The following ZNF710 variants were observed in gnomAD, a reference collection of about 807,000 sequenced individuals.
The protein encoded by ZNF710 is zinc finger protein 710.
Under a neutral mutation model 50.6 loss-of-function variants are expected in ZNF710, and 13 were observed. The observed-to-expected ratio is 0.26, with a 90% CI of 0.17 to 0.41. ZNF710 has a LOEUF of 0.41. Among genes scored for constraint, ZNF710 ranks in the 10% least tolerant of loss-of-function variants. The pLI, the probability that ZNF710 is intolerant of heterozygous loss-of-function variation, is 1.00. For missense variants in ZNF710, 721 were observed against 936.6 expected (o/e 0.77, Z 3.01); for synonymous variants, 383 against 397.0 (o/e 0.96, Z 0.42).
At chr15:90,005,374 G>A (rs1466052946) in intron 1 of ZNF710, among the ~76,000 whole-genome samples, 1 of 152,214 alleles carries the variant, frequency 6.6e-6, no homozygotes, top group Non-Finnish European at 1.5e-5. Context: ...AGGCAGGAGG[G>A]GGCTGGGAAG....
rs10685083 is a variant in ZNF710, at chr15:90,030,329, C to CAAAAAAA, written c.-29+28733_-29+28739dup. Among the ~76,000 whole-genome samples, 78 of 50,456 alleles carry CAAAAAAA rather than the reference C, an allele frequency of 1.5e-3. 3 individuals are homozygous for CAAAAAAA. The highest frequency in any genetic ancestry group is 1.8e-3 in the Admixed American group (6 of 3,426). 33.1% of individuals were successfully genotyped at this position (50,456 alleles called of 152,430 possible). A position where few individuals can be genotyped will look rare whatever the true frequency, so the allele number is the denominator to read the frequency against. ...GGGCAACAAGAGCAAAACTCCATCT[C>CAAAAAAA]AAAAAAAAAAAAAAAAAAAAAAAAG... On this transcript the variant is annotated intron_variant, in intron 1 of 4. Coordinates refer to ENST00000268154, the MANE Select transcript of ZNF710 (RefSeq NM_198526.4).
intron 1 of ZNF710, among the ~76,000 whole-genome samples, chr15:90,043,042 T>C (rs1899347912): frequency 1.3e-5 from 2 of 152,204 alleles, no homozygotes; most frequent in African/African-American, 4.8e-5. Context: ...GGCGGCGGGC[T>C]TCTTTGGAGC....
At chr15:90,004,548 A>G (rs1567216813) in intron 1 of ZNF710, among the ~76,000 whole-genome samples, 2 of 152,196 alleles carry the variant, frequency 1.3e-5, no homozygotes, top group Non-Finnish European at 2.9e-5. Flanking sequence ...CCTGCTGTTA[A>G]TGGTGCTTGC....
Position 90,059,078 on chromosome 15 carries a change from G to A in ZNF710, c.-28-8032G>A, listed in dbSNP as rs543577996. Among the ~76,000 whole-genome samples the A allele has an allele frequency of 1.6e-4, 24 of 152,322 alleles. No individual in the cohort carries two copies. In the East Asian group the frequency reaches 1.7e-3, roughly 11 times the overall value. On this transcript the variant is annotated intron_variant, in intron 1 of 4. Coordinates refer to ENST00000268154, the MANE Select transcript of ZNF710 (RefSeq NM_198526.4). The surrounding 1 kb of genome is among the most constrained non-coding windows in gnomAD (Gnocchi z 4.1). ...CAAGATGACGCATATGATTTACCAC[G>A]ACAGTGATGGTCTCAGGCTGAGAGA...
At chr15:90,074,453 A>G in intron 4 of ZNF710, 163 bp downstream of exon 4, 2 of 1,534,528 alleles carry the variant, frequency 1.3e-6, no homozygotes, top group African/African-American at 1.4e-5. Flanking sequence ...CATGATGACA[A>G]TAACGATGGG....
intron 1 of ZNF710, among the ~76,000 whole-genome samples, chr15:90,027,609 T>C (rs1283346314): frequency 6.6e-6 from 1 of 152,064 alleles, no homozygotes; most frequent in Non-Finnish European, 1.5e-5. Flanking sequence ...ACTAGCACTT[T>C]GGGAGGCCAA....
At position 90,044,497 on chromosome 15, in the gene ZNF710, TA is replaced by T. The variant is rs142966977; in HGVS notation, c.-28-22611del. Among the ~76,000 whole-genome samples the T allele has an allele frequency of 3.0e-4, 46 of 152,262 alleles. No individual in the cohort carries two copies. The East Asian group carries it at 7.5e-3, about 25-fold the overall frequency. On this transcript the variant is annotated intron_variant, in intron 1 of 4. Coordinates refer to ENST00000268154, the MANE Select transcript of ZNF710 (RefSeq NM_198526.4). ...GCTGAGCTGGATAACCCTCACCAAA[TA>T]AGGGGCCCGCCACCTTGGGTTTGGC...
At chr15:90,072,680 G>A (rs556463673) in intron 2 of ZNF710, among the ~76,000 whole-genome samples, 3 of 152,148 alleles carry the variant, frequency 2.0e-5, no homozygotes, top group Non-Finnish European at 2.9e-5. Flanking sequence ...GACCCCTGCC[G>A]CCTAGTGTGG....
At chr15:90,065,528 G>A (rs1193067693) in intron 1 of ZNF710, among the ~76,000 whole-genome samples, 2 of 152,210 alleles carry the variant, frequency 1.3e-5, no homozygotes, top group Non-Finnish European at 1.5e-5. Flanking sequence ...GGAGCAGGTG[G>A]ACCTCGAGCC....
chr15:90,000,873 G>C (rs1897992860), upstream of ZNF710, among the ~76,000 whole-genome samples: 1 of 151,948 alleles, frequency 6.6e-6, no homozygotes, highest in African/African-American at 2.4e-5. Context: ...GGGGCGGGGC[G>C]CAGGGCCCCC....
chr15:90,039,063 G>C (rs1858259187), intron 1 of ZNF710, among the ~76,000 whole-genome samples: 1 of 152,180 alleles, frequency 6.6e-6, no homozygotes, highest in African/African-American at 2.4e-5. Flanking sequence ...TGGATCACTT[G>C]AGGCCAGAAG....
At chr15:89,999,237 C>T (rs1450016100), upstream of ZNF710, among the ~76,000 whole-genome samples, 1 of 149,140 alleles carries the variant, frequency 6.7e-6, no homozygotes, top group East Asian at 1.9e-4. Context: ...TTGCCTGTAT[C>T]GCATGGCACT....
intron 1 of ZNF710, among the ~76,000 whole-genome samples, chr15:90,030,573 G>A (rs920656836): frequency 2.6e-5 from 4 of 152,084 alleles, no homozygotes; most frequent in East Asian, 1.9e-4. Context: ...GAACATGTGC[G>A]CACAGAGTGT....
upstream of ZNF710, among the ~76,000 whole-genome samples, chr15:90,000,890 C>A (rs950256339): frequency 6.6e-6 from 1 of 152,154 alleles, no homozygotes; most frequent in African/African-American, 2.4e-5. Flanking sequence ...CCCCGGGCCC[C>A]CTTTGTACCG....
intron 3 of ZNF710, among the ~76,000 whole-genome samples, chr15:90,073,641 T>C (rs897948339): frequency 2.0e-5 from 3 of 152,042 alleles, no homozygotes; most frequent in Non-Finnish European, 2.9e-5. Context: ...TGTCCCTGTC[T>C]CTCGGGTGTC....
chr15:90,006,475 C>A (rs539251375), intron 1 of ZNF710, among the ~76,000 whole-genome samples: 22 of 152,276 alleles, frequency 1.4e-4, no homozygotes, highest in Non-Finnish European at 1.3e-4. Context: ...TGTGCAGGTC[C>A]CGTCCTCGTG....
intron 2 of ZNF710, among the ~76,000 whole-genome samples, chr15:90,070,612 G>A (rs1900346304): frequency 6.6e-6 from 1 of 151,866 alleles, no homozygotes; most frequent in South Asian, 2.1e-4. Flanking sequence ...ACACCACTGT[G>A]CTCCAGCCCA....
chr15:90,039,024 A>T (rs1899218460), intron 1 of ZNF710, among the ~76,000 whole-genome samples: 1 of 152,186 alleles, frequency 6.6e-6, no homozygotes, highest in African/African-American at 2.4e-5. Context: ...CACGCCTATA[A>T]TCCCATCACT....
At chr15:90,007,816 C>A (rs928655496) in intron 1 of ZNF710, among the ~76,000 whole-genome samples, 5 of 151,692 alleles carry the variant, frequency 3.3e-5, no homozygotes, top group African/African-American at 1.2e-4. Context: ...CCCCCACCCC[C>A]ACTTTACAAG....
Sources: gnomAD v4.1 joint callset for allele counts (sites outside exome capture counted in the v4.1 genomes callset) on GRCh38, gnomAD v4.1.1 for gene constraint, Gnocchi (gnomAD v3.1) non-coding constraint, MANE v1.5 for transcripts, NCBI Gene and HGNC (gene_info 2026-07-23, HGNC 2026-07-21) for gene names.